SHCBP1: variants seen among roughly 807,000 people sequenced by gnomAD.
SHCBP1 encodes the protein SHC binding and spindle associated 1.
A neutral mutation model predicts 75.1 loss-of-function variants in SHCBP1; 60 were observed. That is an observed-to-expected ratio of 0.80 (90% CI 0.65 to 0.99). SHCBP1 has a LOEUF of 0.99. Among genes scored for constraint, SHCBP1 ranks in the 50% least tolerant of loss-of-function variants. The probability of loss-of-function intolerance (pLI) is 0.00; values close to 1 mark genes in which losing one functional copy is unlikely to be tolerated. For synonymous variants in SHCBP1, 290 were observed against 293.2 expected (o/e 0.99, Z 0.11); for missense variants, 709 against 809.4 (o/e 0.88, Z 1.50).
chr16:46,590,095 G>T (rs972921110), intron 10 of SHCBP1, among the ~76,000 whole-genome samples: 1 of 152,202 alleles, frequency 6.6e-6, no homozygotes, highest in African/African-American at 2.4e-5. Context: ...AATAAATGGT[G>T]CTGGGAAAAC....
intron 10 of SHCBP1, 197 bp from the exon 11 acceptor site, chr16:46,584,286 A>G (rs1964920206): frequency 7.6e-6 from 3 of 392,826 alleles, no homozygotes; most frequent in Non-Finnish European, 1.3e-5. Context: ...TTGACAATTT[A>G]TCATTTTCAA....
At chr16:46,594,906 A>G (rs935511815) in intron 10 of SHCBP1, among the ~76,000 whole-genome samples, 1 of 152,232 alleles carries the variant, frequency 6.6e-6, no homozygotes, top group Non-Finnish European at 1.5e-5. Context: ...ATTCCTCCAC[A>G]GTAAAAAGGA....
chr16:46,595,959 CG>C (rs924797490), intron 9 of SHCBP1, among the ~76,000 whole-genome samples: 1 of 151,786 alleles, frequency 6.6e-6, no homozygotes, highest in African/African-American at 2.4e-5. Context: ...CTGAGTATCT[CG>C]GAAGAAAAAG....
At chr16:46,609,665 G>A (rs1042028361) in intron 4 of SHCBP1, among the ~76,000 whole-genome samples, 1 of 151,760 alleles carries the variant, frequency 6.6e-6, no homozygotes, top group Non-Finnish European at 1.5e-5. Context: ...TGGCCAGGCT[G>A]GTCTTGAACT....
rs991640619 is a variant in SHCBP1, at chr16:46,581,356, A to G, written c.*373T>C. The G allele has an allele frequency of 9.4e-6, 2 of 212,090 alleles. No homozygotes were observed. Among genetic ancestry groups the G allele is most frequent in the African/African-American group, 4.7e-5 (2 of 42,482 alleles). The allele number at this position is 212,090 out of a possible 1,614,324, so 13.1% of individuals were successfully genotyped here. On this transcript the variant is annotated 3_prime_UTR_variant, in exon 13 of 13. Transcript: ENST00000303383. ...CAACTCTAAGAAGAATGCTGTACAT[A>G]TGACACCTATTGCATTTTTATGCAC...
At chr16:46,603,198 A>T (rs1228845787) in intron 8 of SHCBP1, among the ~76,000 whole-genome samples, 4 of 152,234 alleles carry the variant, frequency 2.6e-5, no homozygotes, top group African/African-American at 4.8e-5. Flanking sequence ...TAAAATTTTT[A>T]AAAATATTGC....
At position 46,579,221 on chromosome 16, in the gene SHCBP1, T is replaced by G. The variant is rs1964835288; in HGVS notation, c.*2508A>C. 6.6e-6 allele frequency among the ~76,000 whole-genome samples: 1 copy of G among 152,180 alleles called. No individual in the cohort carries two copies. The highest frequency in any genetic ancestry group is 2.4e-5 in the African/African-American group (1 of 41,440). On this transcript the variant is annotated 3_prime_UTR_variant, in exon 13 of 13. Coordinates refer to ENST00000303383, the MANE Select transcript of SHCBP1 (RefSeq NM_024745.5). ...AATTAGTCAACACAGAAGGCTATCCTTTCTCCACATCAGTGTTTTCATCTC... is the reference window on the plus strand; with the variant it reads ...AATTAGTCAACACAGAAGGCTATCCGTTCTCCACATCAGTGTTTTCATCTC...
chr16:46,597,597 C>A (rs1446869727), intron 9 of SHCBP1, among the ~76,000 whole-genome samples: 1 of 152,170 alleles, frequency 6.6e-6, no homozygotes, highest in African/African-American at 2.4e-5. Flanking sequence ...AAGACATAAT[C>A]TTTTTGCTGG....
At chr16:46,615,659 G>C (rs915374489) in intron 4 of SHCBP1, among the ~76,000 whole-genome samples, 5 of 152,202 alleles carry the variant, frequency 3.3e-5, no homozygotes, top group African/African-American at 1.2e-4. Context: ...AGAATTGCTT[G>C]AACCCAGGAG....
intron 9 of SHCBP1, 80 bp downstream of exon 9, chr16:46,599,751 T>A: frequency 8.1e-7 from 1 of 1,235,586 alleles, no homozygotes; most frequent in Non-Finnish European, 1.1e-6. Flanking sequence ...TGGCATTTCA[T>A]TAAATTCTAT....
intron 10 of SHCBP1, among the ~76,000 whole-genome samples, chr16:46,588,508 G>C (rs901939259): frequency 6.6e-6 from 1 of 152,184 alleles, no homozygotes; most frequent in Non-Finnish European, 1.5e-5. Context: ...CAATCCCACA[G>C]AAATACAAAC....
chr16:46,616,433 T>C lies in SHCBP1; in HGVS notation c.388-279A>G, dbSNP rs765145881. ...CTGAGATGGGCAAGGAAGTCAGCTC[T>C]GAGCCAGGCTGAGGAGGATGAGAAG... On this transcript the variant is annotated intron_variant, in intron 3 of 12. Transcript: ENST00000303383. This position sits in a 1 kb window ranked among gnomAD's most constrained non-coding sequence, Gnocchi z 4.4. 3.3e-5 allele frequency among the ~76,000 whole-genome samples: 5 copies of C among 152,182 alleles called. No homozygotes were observed. Among genetic ancestry groups the C allele is most frequent in the Non-Finnish European group, 7.3e-5 (5 of 68,036 alleles).
At chr16:46,618,957 A>G (rs1313943994) in intron 1 of SHCBP1, among the ~76,000 whole-genome samples, 1 of 152,226 alleles carries the variant, frequency 6.6e-6, no homozygotes, top group Non-Finnish European at 1.5e-5. Context: ...TCCTTTAAGA[A>G]AGGGAGCTGA....
intron 9 of SHCBP1, among the ~76,000 whole-genome samples, chr16:46,596,213 A>T (rs977647858): frequency 6.6e-6 from 1 of 152,182 alleles, no homozygotes; most frequent in Non-Finnish European, 1.5e-5. Flanking sequence ...ACATAAAAAA[A>T]TAATTTTCTA....
chr16:46,609,442 C>CT lies in SHCBP1; in HGVS notation c.597-1054dup, dbSNP rs71158875. Among the ~76,000 whole-genome samples, 341 of 61,318 alleles carry CT rather than the reference C, an allele frequency of 5.6e-3. 45 individuals are homozygous for CT. Among genetic ancestry groups the CT allele is most frequent in the African/African-American group, 0.02 (303 of 14,958 alleles). The allele number at this position is 61,318 out of a possible 152,430, so 40.2% of individuals were successfully genotyped here. A position where few individuals can be genotyped will look rare whatever the true frequency, so the allele number is the denominator to read the frequency against. On this transcript the variant is annotated intron_variant, in intron 4 of 12. Coordinates refer to ENST00000303383, the MANE Select transcript of SHCBP1 (RefSeq NM_024745.5). The stretch of plus-strand genomic sequence containing the variant: ...TCATCAGCATCCACACTTTTCTTTT[C>CT]TTTTTTTTTTTTTTTTTTTTTTTTT...
chr16:46,603,840 G>T, intron 7 of SHCBP1, 135 bp downstream of exon 7: 1 of 1,291,852 alleles, frequency 7.7e-7, no homozygotes, highest in Non-Finnish European at 1.1e-6. Flanking sequence ...CTGATGAAAG[G>T]CAGGGCTCTC....
chr16:46,592,122 A>G (rs1199833402), intron 10 of SHCBP1, among the ~76,000 whole-genome samples: 1 of 152,096 alleles, frequency 6.6e-6, no homozygotes, highest in East Asian at 1.9e-4. Flanking sequence ...AAAACTAAAA[A>G]TTAAAATTAA....
chr16:46,608,202 GGT>G (rs763550599), intron 5 of SHCBP1, 93 bp downstream of exon 5: 40,141 of 541,734 alleles, frequency 0.074, 4 homozygotes, highest in South Asian at 0.097. Flanking sequence ...AGTGAGTGTG[GGT>G]GTGTGTGTGT....
intron 9 of SHCBP1, among the ~76,000 whole-genome samples, chr16:46,596,853 GA>G (rs972361910): frequency 2.2e-4 from 34 of 151,454 alleles, no homozygotes; most frequent in African/African-American, 8.2e-4. Flanking sequence ...TCAGCCTCCA[GA>G]GTAGATGGCA....
Sources: allele counts gnomAD v4.1 joint callset (sites outside exome capture counted in the v4.1 genomes callset), GRCh38; gene constraint gnomAD v4.1.1; non-coding constraint Gnocchi (gnomAD v3.1); transcripts MANE v1.5; gene names NCBI Gene and HGNC (gene_info 2026-07-23, HGNC 2026-07-21).